CNTNAP3B: variants seen among roughly 807,000 people sequenced by gnomAD.
CNTNAP3B encodes the protein contactin-associated protein-like 3B.
CNTNAP3B carries 25 observed loss-of-function variants against 108.9 expected under a neutral mutation model. That is an observed-to-expected ratio of 0.23 (90% CI 0.17 to 0.32). The LOEUF is 0.32. CNTNAP3B is among the 10% of genes least tolerant of loss of function. The probability of loss-of-function intolerance (pLI) is 1.00; values close to 1 mark genes in which losing one functional copy is unlikely to be tolerated. For missense variants in CNTNAP3B, 252 were observed against 1,210.4 expected (o/e 0.21, Z 11.75); for synonymous variants, 103 against 473.4 (o/e 0.22, Z 10.16).
Position 42,097,361 on chromosome 9 carries a change from G to A in CNTNAP3B, c.196+7268C>T, listed in dbSNP as rs543071004. 2.9e-5 allele frequency among the ~76,000 whole-genome samples: 4 copies of A among 139,704 alleles called. 1 individual carries two copies. The South Asian group carries it at 6.9e-4, about 24-fold the overall frequency. The allele number at this position is 139,704 out of a possible 152,430, so 91.7% of individuals were successfully genotyped here. A position where few individuals can be genotyped will look rare whatever the true frequency, so the allele number is the denominator to read the frequency against. ...AGTTGCCTGGGTAAAACTGCCCCAC[G>A]CAGAGAAGCTTTTACCCCAGGTTAA... On this transcript the variant is annotated intron_variant, in intron 2 of 23. Transcript: ENST00000377561.
chr9:41,951,975 G>A (rs1205579645), intron 13 of CNTNAP3B, among the ~76,000 whole-genome samples: 1 of 152,240 alleles, frequency 6.6e-6, no homozygotes, highest in African/African-American at 2.4e-5. Flanking sequence ...TATTCAGGAG[G>A]CTGAGGCAGG....
rs1827932900 is a variant in CNTNAP3B, at chr9:42,097,569, T to C, written c.196+7060A>G. Among the ~76,000 whole-genome samples the C allele has an allele frequency of 1.4e-5, 2 of 140,022 alleles. 1 individual carries two copies. The highest frequency in any genetic ancestry group is 3.1e-5 in the Non-Finnish European group (2 of 65,142). 91.9% of individuals were successfully genotyped at this position (140,022 alleles called of 152,430 possible). A position where few individuals can be genotyped will look rare whatever the true frequency, so the allele number is the denominator to read the frequency against. ...TTTAGTAAGAATAGCTAAGTACAAA[T>C]CTAAAAAAATAATTACGTACTTCAA... On this transcript the variant is annotated intron_variant, in intron 2 of 23. Transcript: ENST00000377561.
chr9:41,918,464 A>G (rs941199133), intron 18 of CNTNAP3B, among the ~76,000 whole-genome samples: 5 of 145,342 alleles, frequency 3.4e-5, no homozygotes, highest in African/African-American at 1.3e-4. Context: ...ACATACACAT[A>G]CACACACCCC....
chr9:42,019,591 CAAAA>C (rs569640352), intron 3 of CNTNAP3B, among the ~76,000 whole-genome samples: 22 of 100,752 alleles, frequency 2.2e-4, no homozygotes, highest in Non-Finnish European at 2.1e-4. Flanking sequence ...ATCTCTACTT[CAAAA>C]AAAAAAAAAA....
intron 10 of CNTNAP3B, among the ~76,000 whole-genome samples, chr9:41,967,338 A>T (rs1487224901): frequency 2.6e-5 from 4 of 152,174 alleles, no homozygotes; most frequent in Non-Finnish European, 5.9e-5. Flanking sequence ...GGTTTTATAA[A>T]GGGGAGTTTC....
At chr9:42,105,409 T>C (rs1178491173) in intron 1 of CNTNAP3B, among the ~76,000 whole-genome samples, 2 of 116,158 alleles carry the variant, frequency 1.7e-5, no homozygotes, top group Non-Finnish European at 3.5e-5. Context: ...AACTTGAGCA[T>C]TGCAGGAACT....
At chr9:41,954,395 C>T (rs1824793647) in intron 12 of CNTNAP3B, among the ~76,000 whole-genome samples, 2 of 152,250 alleles carry the variant, frequency 1.3e-5, no homozygotes, top group South Asian at 2.1e-4. Flanking sequence ...CTGTTACTTA[C>T]ACACGCCTAA....
At chr9:42,125,524 T>C (rs1394784869) in intron 1 of CNTNAP3B, among the ~76,000 whole-genome samples, 3 of 140,484 alleles carry the variant, frequency 2.1e-5, no homozygotes, top group Non-Finnish European at 4.6e-5. Context: ...GGAAGAAGAA[T>C]GCCAAGTAAT....
At position 42,115,527 on chromosome 9, in the gene CNTNAP3B, G is replaced by A. The variant is rs1210774712; in HGVS notation, c.86-10788C>T. ...TCTGAGACGAAGCTTCCAGAGGAAG[G>A]ATCAGACAGCAACATTTGCCATTCT... is the stretch of plus-strand genomic sequence containing the variant. On this transcript the variant is annotated intron_variant, in intron 1 of 23. Coordinates refer to ENST00000377561, the MANE Select transcript of CNTNAP3B (RefSeq NM_001201380.3). Among the ~76,000 whole-genome samples the A allele has an allele frequency of 2.2e-5, 3 of 138,890 alleles. 1 individual carries two copies. Among genetic ancestry groups the A allele is most frequent in the Non-Finnish European group, 4.6e-5 (3 of 64,862 alleles). 91.1% of individuals were successfully genotyped at this position (138,890 alleles called of 152,430 possible).
At chr9:41,929,519 T>G in intron 14 of CNTNAP3B, 75 bp from the exon 15 acceptor site, 1 of 1,489,096 alleles carries the variant, frequency 6.7e-7, no homozygotes, top group Non-Finnish European at 9.0e-7. Flanking sequence ...ATCTCTTATC[T>G]CAATTTGAAA....
chr9:41,932,476 T>C (rs1824006394), intron 14 of CNTNAP3B, among the ~76,000 whole-genome samples: 2 of 151,460 alleles, frequency 1.3e-5, no homozygotes, highest in South Asian at 4.2e-4. Context: ...CAAAGAAAGC[T>C]AAAAGGGAGA....
Position 42,047,426 on chromosome 9 carries a change from C to A in CNTNAP3B, c.390+29443G>T, listed in dbSNP as rs550167075. Among the ~76,000 whole-genome samples, 7 of 128,692 alleles carry A rather than the reference C, an allele frequency of 5.4e-5. 2 individuals carry two copies. In the East Asian group the frequency reaches 1.4e-3, roughly 27 times the overall value. The allele number at this position is 128,692 out of a possible 152,430, so 84.4% of individuals were successfully genotyped here. Reference sequence around the variant, plus strand: ...AAAGCAAAACCAAAGCAAATTCAATCCCAAATTAAGTTTAAATGGGAAGAT... The same window carrying A: ...AAAGCAAAACCAAAGCAAATTCAATACCAAATTAAGTTTAAATGGGAAGAT... On this transcript the variant is annotated intron_variant, in intron 3 of 23. Transcript: ENST00000377561.
intron 3 of CNTNAP3B, among the ~76,000 whole-genome samples, chr9:42,014,578 C>T (rs1826186906): frequency 8.6e-6 from 1 of 116,904 alleles, no homozygotes; most frequent in African/African-American, 3.4e-5. Context: ...ATCACGAGGT[C>T]AGGAGATCGA....
rs1170171436 is a variant in CNTNAP3B at position 41,947,412 on chromosome 9, A to G, written c.2080+5771T>C. On this transcript the variant is annotated intron_variant, in intron 13 of 23. Transcript: ENST00000377561. ...GAAATTTTTTAAAATACACTTCTAA[A>G]TAAGCTACAGGTCAAAGAATATGCT... 1.1e-4 allele frequency among the ~76,000 whole-genome samples: 17 copies of G among 152,364 alleles called. No homozygotes were observed. In the East Asian group the frequency reaches 3.1e-3, roughly 28 times the overall value.
intron 15 of CNTNAP3B, among the ~76,000 whole-genome samples, chr9:41,924,691 A>ACACACACT: frequency 7.1e-6 from 1 of 140,280 alleles, no homozygotes; most frequent in Non-Finnish European, 1.6e-5. Flanking sequence ...ACACACACAC[A>ACACACACT]GTCTTAATTC....
At chr9:42,097,426 T>G (rs1827925698) in intron 2 of CNTNAP3B, among the ~76,000 whole-genome samples, 1 of 140,234 alleles carries the variant, frequency 7.1e-6, no homozygotes, top group African/African-American at 2.8e-5. Context: ...TTGTGGTCAC[T>G]AGTAATGTTT....
intron 18 of CNTNAP3B, among the ~76,000 whole-genome samples, chr9:41,916,125 T>A (rs1823511171): frequency 6.8e-6 from 1 of 146,846 alleles, no homozygotes; most frequent in African/African-American, 2.6e-5. Context: ...AGACTTTGTC[T>A]ATAAACTCTC....
intron 14 of CNTNAP3B, among the ~76,000 whole-genome samples, chr9:41,933,633 C>T (rs1824048027): frequency 6.6e-6 from 1 of 152,280 alleles, no homozygotes; most frequent in Non-Finnish European, 1.5e-5. Context: ...ATTCAGCAAA[C>T]TTACTGAACT....
chr9:41,944,447 C>A (rs1299537784), intron 13 of CNTNAP3B, among the ~76,000 whole-genome samples: 3 of 152,132 alleles, frequency 2.0e-5, no homozygotes, highest in Non-Finnish European at 2.9e-5. Context: ...GTACCAGCAC[C>A]ATTAATGAAG....
Sources: allele counts gnomAD v4.1 joint callset (sites outside exome capture counted in the v4.1 genomes callset), GRCh38; gene constraint gnomAD v4.1.1; transcripts MANE v1.5; gene names NCBI Gene and HGNC (gene_info 2026-07-23, HGNC 2026-07-21).